Variants in CTNND1 observed in about 807,000 individuals in gnomAD.
The protein encoded by CTNND1 is catenin delta-1.
Under a neutral mutation model 112.1 loss-of-function variants are expected in CTNND1, and 16 were observed. That is an observed-to-expected ratio of 0.14 (90% CI 0.10 to 0.22). CTNND1 has a LOEUF of 0.22. Ranked by LOEUF, CTNND1 falls within the 10% of genes least tolerant of loss-of-function variation. The pLI is 1.00. For missense variants in CTNND1, 1,008 were observed against 1,257.0 expected (o/e 0.80, Z 3.00); for synonymous variants, 420 against 446.5 (o/e 0.94, Z 0.75).
At chr11:57,769,494 G>T (rs908403577) in intron 1 of CTNND1, among the ~76,000 whole-genome samples, 6 of 151,982 alleles carry the variant, frequency 3.9e-5, no homozygotes, top group African/African-American at 1.4e-4. Context: ...CCCACATTCA[G>T]TTCCTCACAT....
At chr11:57,766,148 G>T (rs566791560) in intron 1 of CTNND1, among the ~76,000 whole-genome samples, 9 of 152,148 alleles carry the variant, frequency 5.9e-5, no homozygotes, top group African/African-American at 2.2e-4. Context: ...ATCCTAGTCC[G>T]TTCATTTCAT....
At chr11:57,805,187 CTG>C (rs1244090415) in intron 9 of CTNND1, among the ~76,000 whole-genome samples, 1 of 152,248 alleles carries the variant, frequency 6.6e-6, no homozygotes, top group Non-Finnish European at 1.5e-5. Flanking sequence ...GCGTGAGCCA[CTG>C]TGCCCAGCCA....
intron 5 of CTNND1, 78 bp downstream of exon 5, chr11:57,795,807 A>G (rs1000050338): frequency 7.3e-7 from 1 of 1,376,428 alleles, no homozygotes; most frequent in African/African-American, 1.5e-5. Flanking sequence ...TAAGCACTTA[A>G]TTAAGATGGA....
intron 3 of CTNND1, among the ~76,000 whole-genome samples, chr11:57,792,822 C>T (rs1255706229): frequency 1.5e-5 from 2 of 137,576 alleles, no homozygotes; most frequent in East Asian, 2.2e-4. Flanking sequence ...CTACTGCACC[C>T]GGCTGAGTGA....
rs1332305542 is a variant in CTNND1, at chr11:57,808,284, C to T, written c.2083C>T (p.Arg695Cys). The T allele has an allele frequency of 2.0e-5, 32 of 1,611,150 alleles. No individual in the cohort carries two copies. Among genetic ancestry groups the T allele is most frequent in the Admixed American group, 1.7e-4 (10 of 59,962 alleles). Residue 695 changes from arginine (R) to cysteine (C), a missense_variant, in exon 13 of 21, where the codon CGC becomes TGC. Transcript: ENST00000399050. ...AGCTATCCAGAACTTGTGTGCTGGG[C>T]GCTGGACGGTACCTTTTAGAAAAGG... ...AGAIQNLCAGRWTYGRYIRSA... is the reference protein window; with the variant it reads ...AGAIQNLCAGCWTYGRYIRSA...
In CTNND1 at chr11:57,819,493, C is replaced by T. The variant is rs1171034222; in HGVS notation, c.*3185C>T. 2 of 152,194 alleles carry T rather than the reference C, an allele frequency of 1.3e-5. No individual in the cohort carries two copies. Among genetic ancestry groups the T allele is most frequent in the Non-Finnish European group, 2.9e-5 (2 of 68,038 alleles). 9.4% of individuals were successfully genotyped at this position (152,194 alleles called of 1,614,324 possible). A position where few individuals can be genotyped will look rare whatever the true frequency, so the allele number is the denominator to read the frequency against. On this transcript the variant is annotated 3_prime_UTR_variant, in exon 21 of 21. Coordinates refer to ENST00000399050, the MANE Select transcript of CTNND1 (RefSeq NM_001085458.2). Reference sequence around the variant, plus strand: ...CAAACCCTACTCTTCTCTCTTCCTTCTGGATTGGTCCATTTGTTTATCTCA... The same window carrying T: ...CAAACCCTACTCTTCTCTCTTCCTTTTGGATTGGTCCATTTGTTTATCTCA...
intron 3 of CTNND1, among the ~76,000 whole-genome samples, chr11:57,792,785 T>C (rs1307859982): frequency 1.3e-5 from 2 of 151,554 alleles, no homozygotes; most frequent in Non-Finnish European, 2.9e-5. Context: ...TGCCTCGGCC[T>C]CCCAAAGTAC....
At chr11:57,793,865 T>A in intron 3 of CTNND1, 145 bp from the exon 4 acceptor site, 1 of 714,696 alleles carries the variant, frequency 1.4e-6, no homozygotes. Flanking sequence ...GAGTGAATGG[T>A]TCTTTTATGA....
chr11:57,792,415 C>G (rs943989528), intron 3 of CTNND1, among the ~76,000 whole-genome samples: 6 of 152,098 alleles, frequency 3.9e-5, no homozygotes, highest in South Asian at 4.1e-4. Flanking sequence ...CTGTCTTCCT[C>G]TGTGTGTGTG....
At chr11:57,808,091 T>C (rs1484856424) in intron 12 of CTNND1, 74 bp from the exon 13 acceptor site, 2 of 1,512,394 alleles carry the variant, frequency 1.3e-6, no homozygotes, top group Non-Finnish European at 1.8e-6. Context: ...GTACTAAGGC[T>C]GGACTCCAGC....
At chr11:57,789,187 A>T in intron 2 of CTNND1, 32 bp downstream of exon 2, 11 of 1,344,630 alleles carry the variant, frequency 8.2e-6, no homozygotes, top group South Asian at 1.6e-5. Flanking sequence ...TTAAGAAGGA[A>T]AAATCTTACT....
Position 57,791,578 on chromosome 11 carries a change from C to G in CTNND1, c.100C>G (p.Arg34Gly), listed in dbSNP as rs767264268. 158 of 1,611,408 alleles carry G rather than the reference C, an allele frequency of 9.8e-5. No homozygotes were observed. The highest frequency in any genetic ancestry group is 7.3e-5 in the Non-Finnish European group (86 of 1,178,960). The part of the protein sequence containing the change: ...EKLTRALEEE[R>G]RHVSAQLERV... ...GCTGACCCGGGCGCTGGAGGAGGAA[C>G]GGCGCCACGTCTCGGCGCAGCTGGA... Residue 34 changes from arginine to glycine, a missense_variant, in exon 3 of 21, where the codon CGG becomes GGG. Arg to Gly is a moderately radical substitution (Grantham distance 125, BLOSUM62 -2). This residue lies in a region of CTNND1 where 404 missense variants were observed against 457.9 expected (regional missense o/e 0.88). Transcript: ENST00000399050.
intron 12 of CTNND1, among the ~76,000 whole-genome samples, chr11:57,807,625 A>AG (rs2062855392): frequency 6.6e-6 from 1 of 151,204 alleles, no homozygotes; most frequent in African/African-American, 2.4e-5. Flanking sequence ...AAAAAAAAAA[A>AG]AAAAAAGAAA....
chr11:57,795,768 G>A, intron 5 of CTNND1, 39 bp downstream of exon 5: 2 of 1,528,220 alleles, frequency 1.3e-6, no homozygotes, highest in Admixed American at 2.4e-5. Flanking sequence ...AGTGATAAGA[G>A]GTCTTTTCTT....
intron 2 of CTNND1, among the ~76,000 whole-genome samples, chr11:57,791,097 A>G (rs892295411): frequency 6.6e-6 from 1 of 152,176 alleles, no homozygotes; most frequent in African/African-American, 2.4e-5. Context: ...ATCCAATCTC[A>G]TAACTACAGC....
At chr11:57,811,287 C>CT (rs2063326937) in intron 16 of CTNND1, 112 bp from the exon 17 acceptor site, 1 of 812,138 alleles carries the variant, frequency 1.2e-6, no homozygotes, top group Non-Finnish European at 2.0e-6. Context: ...TTATAAGTTG[C>CT]TTTTTCATGA....
chr11:57,794,186 T>TA (rs2061086478), intron 4 of CTNND1, 105 bp downstream of exon 4: 1 of 899,288 alleles, frequency 1.1e-6, no homozygotes, highest in Non-Finnish European at 1.8e-6. Context: ...ACATTGTACA[T>TA]ACTCGTCAAT....
At chr11:57,794,169 G>A in intron 4 of CTNND1, 88 bp downstream of exon 4, 1 of 1,166,478 alleles carries the variant, frequency 8.6e-7, no homozygotes, top group African/African-American at 1.5e-5. Context: ...CTTGTAAGGT[G>A]CCTGGCACAT....
intron 2 of CTNND1, among the ~76,000 whole-genome samples, chr11:57,790,493 C>T (rs1382006417): frequency 3.3e-5 from 5 of 150,616 alleles, no homozygotes; most frequent in East Asian, 3.9e-4. Flanking sequence ...CTCAGCCTCC[C>T]GAGTTGCTGG....
Sources: gnomAD v4.1 joint callset for allele counts (sites outside exome capture counted in the v4.1 genomes callset) on GRCh38, gnomAD v4.1.1 for gene constraint, gnomAD v4.1.1 regional missense constraint, MANE v1.5 for transcripts, NCBI Gene and HGNC (gene_info 2026-07-23, HGNC 2026-07-21) for gene names.